Variants in ADCY2 observed in about 807,000 individuals in gnomAD.
The protein encoded by ADCY2 is adenylate cyclase 2.
A neutral mutation model predicts 125.2 loss-of-function variants in ADCY2; 31 were observed. The observed-to-expected ratio is 0.25, with a 90% confidence interval of 0.19 to 0.33. The LOEUF is 0.33. ADCY2 is among the 10% of genes least tolerant of loss of function. ADCY2 has a pLI of 1.00. For synonymous variants in ADCY2, 512 were observed against 548.4 expected, an observed-to-expected ratio of 0.93 and a Z score of 0.93; for missense variants, 904 against 1,418.2, an observed-to-expected ratio of 0.64 and a Z score of 5.82.
intron 1 of ADCY2, among the ~76,000 whole-genome samples, chr5:7,410,630 A>G (rs928270487): frequency 2.0e-5 from 3 of 152,154 alleles, no homozygotes; most frequent in Admixed American, 6.5e-5. Context: ...TATATGGTAA[A>G]TTTTATTTTA....
At chr5:7,412,912 G>A (rs141196172) in intron 1 of ADCY2, among the ~76,000 whole-genome samples, 119 of 152,276 alleles carry the variant, frequency 7.8e-4, no homozygotes, top group African/African-American at 2.8e-3. Context: ...AGATTAAAGA[G>A]GTTAATATAT....
intron 4 of ADCY2, among the ~76,000 whole-genome samples, chr5:7,684,149 T>C (rs1740431560): frequency 6.6e-6 from 1 of 152,244 alleles, no homozygotes; most frequent in African/African-American, 2.4e-5. Flanking sequence ...TGGAGCATTT[T>C]GCTTTTTCAC....
intron 4 of ADCY2, among the ~76,000 whole-genome samples, chr5:7,667,491 T>C (rs1199102943): frequency 1.3e-5 from 2 of 151,978 alleles, no homozygotes; most frequent in South Asian, 2.1e-4. Flanking sequence ...GTGTGATTCA[T>C]TGACTTTTCT....
In ADCY2 at chr5:7,698,381, G is replaced by A; in HGVS notation, c.1109+7G>A. ...ACATGTGTGAAGCCATAAAGTAAGT[G>A]GACTGCTTAGTAAGCATTTTGTTAT... On this transcript the variant is annotated splice_region_variant and intron_variant, in intron 7 of 24. Transcript: ENST00000338316. 1 of 1,613,990 alleles carries A rather than the reference G, an allele frequency of 6.2e-7. No homozygotes were observed. The highest frequency in any genetic ancestry group is 1.1e-5 in the South Asian group (1 of 91,072).
intron 18 of ADCY2, among the ~76,000 whole-genome samples, chr5:7,774,512 T>C (rs907489415): frequency 6.6e-6 from 1 of 152,234 alleles, no homozygotes; most frequent in African/African-American, 2.4e-5. Context: ...CACCTGAATA[T>C]GTTACACATC....
At chr5:7,446,143 A>G (rs1187849685) in intron 2 of ADCY2, among the ~76,000 whole-genome samples, 1 of 152,186 alleles carries the variant, frequency 6.6e-6, no homozygotes, top group East Asian at 1.9e-4. Context: ...ATTACATTCA[A>G]TGTTAAGTAA....
intron 2 of ADCY2, among the ~76,000 whole-genome samples, chr5:7,476,904 A>G (rs76316110): frequency 0.019 from 2,934 of 152,328 alleles, 82 homozygotes; most frequent in African/African-American, 0.067. Flanking sequence ...CTCAGTAATA[A>G]TATCAGACAG....
chr5:7,777,226 G>A (rs1021010724), intron 18 of ADCY2, among the ~76,000 whole-genome samples: 11 of 152,088 alleles, frequency 7.2e-5, no homozygotes, highest in Admixed American at 5.9e-4. Context: ...TGGATGAAGG[G>A]GACATGGCTT....
intron 4 of ADCY2, among the ~76,000 whole-genome samples, chr5:7,666,079 C>A (rs1739711631): frequency 6.6e-6 from 1 of 151,516 alleles, no homozygotes; most frequent in Non-Finnish European, 1.5e-5. Context: ...ACCTCGTGAT[C>A]CGCCCGCCTT....
intron 2 of ADCY2, among the ~76,000 whole-genome samples, chr5:7,500,483 A>C (rs1350549426): frequency 6.6e-6 from 1 of 152,138 alleles, no homozygotes; most frequent in East Asian, 1.9e-4. Context: ...CAACAGCAAA[A>C]ACTCATGTTG....
intron 1 of ADCY2, among the ~76,000 whole-genome samples, chr5:7,414,060 C>A (rs942346629): frequency 6.6e-6 from 1 of 152,174 alleles, no homozygotes; most frequent in East Asian, 1.9e-4. Flanking sequence ...ACTTTCTGAC[C>A]CTTTTCTATT....
intron 1 of ADCY2, among the ~76,000 whole-genome samples, chr5:7,410,992 T>C (rs1739692787): frequency 6.6e-6 from 1 of 152,100 alleles, no homozygotes; most frequent in African/African-American, 2.4e-5. Flanking sequence ...CTTTATTCCA[T>C]TGACTTAGCC....
chr5:7,474,768 T>C (rs1322625708), intron 2 of ADCY2, among the ~76,000 whole-genome samples: 2 of 152,202 alleles, frequency 1.3e-5, no homozygotes, highest in East Asian at 3.9e-4. Flanking sequence ...TGGTGGATTG[T>C]ACAAGAATTC....
chr5:7,431,911 CTG>C (rs1740615306), intron 2 of ADCY2, among the ~76,000 whole-genome samples: 1 of 152,116 alleles, frequency 6.6e-6, no homozygotes, highest in Admixed American at 6.5e-5. Context: ...AAGCATGAAA[CTG>C]TGGCCCAAAG....
In ADCY2 at chr5:7,733,134, C is replaced by T. The variant is rs1027867002; in HGVS notation, c.1871+5873C>T. On this transcript the variant is annotated intron_variant, in intron 14 of 24. Transcript: ENST00000338316. The stretch of plus-strand genomic sequence containing the variant: ...AACAAGGATGAATTTTTTTCTAGCA[C>T]AATTTAGGTAAATAACATGTGTTTC... 1.1e-4 allele frequency among the ~76,000 whole-genome samples: 17 copies of T among 151,962 alleles called. 1 individual carries two copies. The highest frequency in any genetic ancestry group is 7.9e-4 in the Admixed American group (12 of 15,250).
chr5:7,776,307 G>A (rs577184153), intron 18 of ADCY2, among the ~76,000 whole-genome samples: 58 of 152,062 alleles, frequency 3.8e-4, no homozygotes, highest in South Asian at 1.0e-3. Flanking sequence ...AGGACGGCCG[G>A]GCAGCACTGC....
intron 2 of ADCY2, among the ~76,000 whole-genome samples, chr5:7,466,652 A>C (rs958547881): frequency 2.6e-5 from 4 of 152,248 alleles, no homozygotes; most frequent in African/African-American, 9.6e-5. Context: ...TGGCTGCTAG[A>C]GCCCATCATT....
At chr5:7,430,398 A>C (rs1334302150) in intron 2 of ADCY2, among the ~76,000 whole-genome samples, 1 of 151,906 alleles carries the variant, frequency 6.6e-6, no homozygotes, top group African/African-American at 2.4e-5. Flanking sequence ...CCAAAGAAAG[A>C]AAACTACAGA....
intron 12 of ADCY2, among the ~76,000 whole-genome samples, chr5:7,719,605 T>C (rs917658552): frequency 7.9e-5 from 12 of 152,246 alleles, no homozygotes; most frequent in African/African-American, 2.9e-4. Context: ...GAACACGCAT[T>C]TGTTAAAAGA....
Sources: gnomAD v4.1 joint callset for allele counts (sites outside exome capture counted in the v4.1 genomes callset) on GRCh38, gnomAD v4.1.1 for gene constraint, MANE v1.5 for transcripts, NCBI Gene and HGNC (gene_info 2026-07-23, HGNC 2026-07-21) for gene names.